DSCAML1: variants seen among roughly 807,000 people sequenced by gnomAD.
DSCAML1 encodes cell adhesion molecule DSCAML1.
A neutral mutation model predicts 200.5 loss-of-function variants in DSCAML1; 38 were observed. The observed-to-expected ratio is 0.19, with a 90% confidence interval of 0.15 to 0.25. The LOEUF (loss-of-function observed/expected upper bound fraction) is 0.25, where lower values mean the gene tolerates loss of function less well. DSCAML1 is among the 10% of genes least tolerant of loss of function. DSCAML1 has a pLI of 1.00. For missense variants in DSCAML1, 2,223 were observed against 2,858.8 expected, an observed-to-expected ratio of 0.78 and a Z score of 5.07; for synonymous variants, 1,215 against 1,165.0, an observed-to-expected ratio of 1.04 and a Z score of -0.87.
At chr11:117,634,023 A>G (rs2052226813) in intron 3 of DSCAML1, among the ~76,000 whole-genome samples, 1 of 152,218 alleles carries the variant, frequency 6.6e-6, no homozygotes, top group Admixed American at 6.5e-5. Flanking sequence ...ACCGTGCTGG[A>G]GATTGTGGAG....
chr11:117,759,333 T>C (rs1361387173), intron 3 of DSCAML1, among the ~76,000 whole-genome samples: 3 of 152,148 alleles, frequency 2.0e-5, no homozygotes, highest in Middle Eastern at 3.2e-3. Context: ...GGGGAGATCA[T>C]TGTTTCAGGA....
At position 117,469,781 on chromosome 11, in the gene DSCAML1, T is replaced by G; in HGVS notation, c.3024+129A>C. 1 of 778,406 alleles carries G rather than the reference T, an allele frequency of 1.3e-6. No individual in the cohort carries two copies. Among genetic ancestry groups the G allele is most frequent in the Non-Finnish European group, 1.9e-6 (1 of 529,024 alleles). The allele number at this position is 778,406 out of a possible 1,614,324, so 48.2% of individuals were successfully genotyped here. A position where few individuals can be genotyped will look rare whatever the true frequency, so the allele number is the denominator to read the frequency against. ...TTCCATCTCTCAAATCTCACTAGGT[T>G]TAGTGACAAAACAGACATGGGCATC... On this transcript the variant is annotated intron_variant, in intron 16 of 32. Transcript: ENST00000651296. This position sits in a 1 kb window ranked among gnomAD's most constrained non-coding sequence, Gnocchi z 4.1.
chr11:117,625,555 C>T (rs1165420228), intron 3 of DSCAML1, among the ~76,000 whole-genome samples: 1 of 152,166 alleles, frequency 6.6e-6, no homozygotes, highest in African/African-American at 2.4e-5. Flanking sequence ...ATGGTCAAGG[C>T]CATCTGTTCA....
At chr11:117,481,108 G>A (rs2048906144) in intron 13 of DSCAML1, 66 bp downstream of exon 13, 5 of 1,456,072 alleles carry the variant, frequency 3.4e-6, no homozygotes, top group Admixed American at 1.7e-5. Flanking sequence ...TCTTTGAGGT[G>A]GAGTTAGCGG....
chr11:117,693,854 T>G (rs2137725698), intron 3 of DSCAML1, among the ~76,000 whole-genome samples: 1 of 152,200 alleles, frequency 6.6e-6, no homozygotes, highest in African/African-American at 2.4e-5. Flanking sequence ...AGTCAGAGAC[T>G]TTGTTAAAAG....
intron 3 of DSCAML1, among the ~76,000 whole-genome samples, chr11:117,609,859 G>A (rs1213843373): frequency 6.6e-6 from 1 of 152,114 alleles, no homozygotes; most frequent in Non-Finnish European, 1.5e-5. Context: ...AATGGAGTGT[G>A]GAACAGTCTG....
At chr11:117,472,204 G>T (rs1283393447) in intron 14 of DSCAML1, among the ~76,000 whole-genome samples, 168 bp from the exon 15 acceptor site, 1 of 152,194 alleles carries the variant, frequency 6.6e-6, no homozygotes, top group African/African-American at 2.4e-5. Flanking sequence ...GGTGCAAGGG[G>T]TCTGTCCCAT....
chr11:117,484,889 G>GTT (rs1335144375), intron 11 of DSCAML1, among the ~76,000 whole-genome samples: 51 of 6,502 alleles, frequency 7.8e-3, no homozygotes, highest in Admixed American at 0.013. Flanking sequence ...GAGGAACAGT[G>GTT]TGTGTGTGTG....
chr11:117,801,727 T>G (rs1193304856), upstream of DSCAML1: 1 of 152,238 alleles, frequency 6.6e-6, no homozygotes, highest in Non-Finnish European at 1.5e-5. Flanking sequence ...CTAAGATCAC[T>G]GGAGCAAAGG....
chr11:117,754,333 C>G (rs2054651298), intron 3 of DSCAML1, among the ~76,000 whole-genome samples: 1 of 152,196 alleles, frequency 6.6e-6, no homozygotes, highest in South Asian at 2.1e-4. Context: ...TCTCCCTCAC[C>G]CTTTCCCTCA....
intron 14 of DSCAML1, among the ~76,000 whole-genome samples, chr11:117,473,478 C>G (rs2048727575): frequency 1.3e-5 from 2 of 152,096 alleles, no homozygotes. Context: ...GCCTGGGCAA[C>G]AGAACGAGAC....
intron 3 of DSCAML1, among the ~76,000 whole-genome samples, chr11:117,701,188 C>T (rs2053661212): frequency 6.6e-6 from 1 of 152,128 alleles, no homozygotes; most frequent in African/African-American, 2.4e-5. Context: ...ATTGCTGGAA[C>T]CCGGAAGGCA....
intron 3 of DSCAML1, among the ~76,000 whole-genome samples, chr11:117,770,199 C>A (rs1231121853): frequency 6.6e-6 from 1 of 152,194 alleles, no homozygotes; most frequent in Non-Finnish European, 1.5e-5. Context: ...AAGACAGAAG[C>A]CAGGAAAGGA....
chr11:117,791,573 T>C (rs1000736969), intron 1 of DSCAML1, among the ~76,000 whole-genome samples: 6 of 152,180 alleles, frequency 3.9e-5, no homozygotes, highest in Admixed American at 1.3e-4. Context: ...TTTCCACTGA[T>C]GGCCAGGGGA....
At chr11:117,784,957 A>T (rs1206308751) in intron 1 of DSCAML1, among the ~76,000 whole-genome samples, 1 of 152,164 alleles carries the variant, frequency 6.6e-6, no homozygotes, top group Non-Finnish European at 1.5e-5. Flanking sequence ...ATGGAAGGGC[A>T]CAGCTCCACC....
chr11:117,665,420 G>C (rs547946473), intron 3 of DSCAML1, among the ~76,000 whole-genome samples: 31 of 152,326 alleles, frequency 2.0e-4, no homozygotes, highest in Non-Finnish European at 2.6e-4. Flanking sequence ...CACAGAGTAC[G>C]CGAGCTGTGG....
At chr11:117,751,273 A>C (rs1030638641) in intron 3 of DSCAML1, among the ~76,000 whole-genome samples, 1 of 151,992 alleles carries the variant, frequency 6.6e-6, no homozygotes, top group Non-Finnish European at 1.5e-5. Context: ...TTTGTGCTAC[A>C]TTATTTGCAG....
chr11:117,527,685 G>A (rs1478186460), intron 4 of DSCAML1, among the ~76,000 whole-genome samples: 5 of 152,162 alleles, frequency 3.3e-5, no homozygotes, highest in African/African-American at 7.2e-5. Flanking sequence ...AGTAAATGGC[G>A]TCTGAGATGG....
Position 117,450,618 on chromosome 11 carries a change from G to T in DSCAML1, c.3639C>A (p.Pro1213=), listed in dbSNP as rs1471195159. The T allele has an allele frequency of 6.2e-7, 1 of 1,614,246 alleles. No homozygotes were observed. The highest frequency in any genetic ancestry group is 8.5e-7 in the Non-Finnish European group (1 of 1,180,046). Residue 1213 remains proline, a synonymous_variant, in exon 20 of 33, where the codon CCC becomes CCA. Transcript: ENST00000651296. Reference sequence around the variant, plus strand: ...GGATCACCCCGTTGGGCTTGGTAGGGGGGAGCCAAGACACAACCACACTGC... The same window carrying T: ...GGATCACCCCGTTGGGCTTGGTAGGTGGGAGCCAAGACACAACCACACTGC... The part of the protein sequence containing the change: ...SASSVVVSWL[P]PTKPNGVIRK...
Sources: allele counts gnomAD v4.1 joint callset (sites outside exome capture counted in the v4.1 genomes callset), GRCh38; gene constraint gnomAD v4.1.1; non-coding constraint Gnocchi (gnomAD v3.1); transcripts MANE v1.5; gene names NCBI Gene and HGNC (gene_info 2026-07-23, HGNC 2026-07-21).